NKAIN3: variants seen among roughly 807,000 people sequenced by gnomAD.
NKAIN3 encodes sodium/potassium transporting ATPase interacting 3, also known as sodium/potassium-transporting ATPase subunit beta-1-interacting protein 3.
A neutral mutation model predicts 30.2 loss-of-function variants in NKAIN3; 25 were observed. The observed-to-expected ratio is 0.83, with a 90% CI of 0.60 to 1.16. NKAIN3 has a LOEUF of 1.16. NKAIN3 is among the 50% of genes most tolerant of loss of function. The probability of loss-of-function intolerance (pLI) is 0.00; values close to 1 mark genes in which losing one functional copy is unlikely to be tolerated. For missense variants in NKAIN3, 225 were observed against 254.1 expected (o/e 0.89, Z 0.78); for synonymous variants, 91 against 89.6 (o/e 1.02, Z -0.09).
intron 3 of NKAIN3, among the ~76,000 whole-genome samples, chr8:62,700,845 T>C (rs1042712001): frequency 1.3e-5 from 2 of 152,216 alleles, no homozygotes; most frequent in Non-Finnish European, 2.9e-5. Flanking sequence ...TCAGACCATA[T>C]TTTCTAAGCT....
intron 1 of NKAIN3, among the ~76,000 whole-genome samples, chr8:62,341,863 A>C (rs913820411): frequency 1.3e-5 from 2 of 152,006 alleles, no homozygotes; most frequent in Non-Finnish European, 2.9e-5. Context: ...AGGCTAAGGA[A>C]ATTTTCTCCC....
chr8:62,528,334 T>TATATATA, intron 1 of NKAIN3, among the ~76,000 whole-genome samples: 1 of 27,842 alleles, frequency 3.6e-5, no homozygotes, highest in Non-Finnish European at 7.9e-5. Context: ...AATATATATA[T>TATATATA]TATATAATAT....
intron 1 of NKAIN3, among the ~76,000 whole-genome samples, chr8:62,476,631 A>T (rs965140353): frequency 2.6e-5 from 4 of 151,502 alleles, no homozygotes; most frequent in Admixed American, 2.6e-4. Context: ...TAATTTTTGT[A>T]TTTTTAATAG....
intron 4 of NKAIN3, among the ~76,000 whole-genome samples, chr8:62,829,587 C>T (rs980612405): frequency 6.6e-6 from 1 of 151,722 alleles, no homozygotes; most frequent in Non-Finnish European, 1.5e-5. Flanking sequence ...GGTATATTGC[C>T]GAAAATAGAT....
At chr8:62,861,968 TTATAAAA>T (rs2130788747) in intron 4 of NKAIN3, among the ~76,000 whole-genome samples, 1 of 152,360 alleles carries the variant, frequency 6.6e-6, no homozygotes, top group South Asian at 2.1e-4. Context: ...TCATGAAAAG[TTATAAAA>T]TATCTTTTTA....
chr8:62,781,998 G>A (rs1449195500), intron 4 of NKAIN3, among the ~76,000 whole-genome samples: 1 of 151,930 alleles, frequency 6.6e-6, no homozygotes, highest in Non-Finnish European at 1.5e-5. Flanking sequence ...TGAGTGAAAA[G>A]ACAACCTCTT....
chr8:62,301,385 A>G (rs896613157), intron 1 of NKAIN3, among the ~76,000 whole-genome samples: 2 of 152,092 alleles, frequency 1.3e-5, no homozygotes, highest in East Asian at 3.9e-4. Flanking sequence ...GCACTGCCTC[A>G]TGATTGAAGA....
At chr8:62,640,634 C>G (rs1812278927) in intron 3 of NKAIN3, among the ~76,000 whole-genome samples, 1 of 152,074 alleles carries the variant, frequency 6.6e-6, no homozygotes, top group Non-Finnish European at 1.5e-5. Context: ...TCTGCCCTGA[C>G]CCATATTAAA....
At chr8:62,614,113 G>T (rs753204298) in intron 3 of NKAIN3, among the ~76,000 whole-genome samples, 4 of 151,958 alleles carry the variant, frequency 2.6e-5, no homozygotes, top group Admixed American at 1.3e-4. Context: ...GAGGAGTTAG[G>T]TATTTATCAT....
rs564080739 is a variant in NKAIN3, at chr8:62,730,705, T to G, written c.274-16227T>G. On this transcript the variant is annotated intron_variant, in intron 3 of 6. Coordinates refer to ENST00000623646, the MANE Select transcript of NKAIN3 (RefSeq NM_001304533.3). ...TTCCTTTCTTTTTATATTTATTGCC[T>G]CACATGTTCAATAATGAAGACTTTT... Among the ~76,000 whole-genome samples the G allele has an allele frequency of 3.9e-5, 6 of 152,296 alleles. No individual in the cohort carries two copies. The East Asian group carries it at 1.2e-3, about 29-fold the overall frequency.
At chr8:62,956,123 T>G (rs1015276473) in intron 6 of NKAIN3, among the ~76,000 whole-genome samples, 2 of 152,208 alleles carry the variant, frequency 1.3e-5, no homozygotes, top group Non-Finnish European at 2.9e-5. Context: ...ATTTCAGCAT[T>G]TATCCAGTCT....
At chr8:62,316,427 C>G (rs978248511) in intron 1 of NKAIN3, among the ~76,000 whole-genome samples, 28 of 152,006 alleles carry the variant, frequency 1.8e-4, no homozygotes, top group African/African-American at 4.6e-4. Context: ...CTATCCCCCC[C>G]CTCCTCCCAC....
At chr8:62,870,266 ATATAGATATATATAAATATC>A (rs1820577943) in intron 4 of NKAIN3, among the ~76,000 whole-genome samples, 1 of 132,484 alleles carries the variant, frequency 7.5e-6, no homozygotes, top group Non-Finnish European at 1.6e-5. Flanking sequence ...ATATATCTAT[ATATAGATATATATAAATATC>A]TATAGATATA....
chr8:62,345,023 C>T (rs150076435), intron 1 of NKAIN3, among the ~76,000 whole-genome samples: 173 of 151,632 alleles, frequency 1.1e-3, no homozygotes, highest in African/African-American at 2.1e-3. Context: ...TTTACGTCTT[C>T]GATTAAGTTT....
intron 5 of NKAIN3, among the ~76,000 whole-genome samples, chr8:62,933,993 T>C (rs1425357195): frequency 1.3e-5 from 2 of 152,310 alleles, no homozygotes; most frequent in South Asian, 2.1e-4. Context: ...GATTAAGGAA[T>C]GATTGAGGGC....
intron 3 of NKAIN3, among the ~76,000 whole-genome samples, chr8:62,611,466 A>T (rs1811287381): frequency 6.6e-6 from 1 of 152,078 alleles, no homozygotes; most frequent in African/African-American, 2.4e-5. Context: ...CGCTCTGGAA[A>T]TCATCCTTCT....
chr8:62,824,605 C>T (rs7830008), intron 4 of NKAIN3, among the ~76,000 whole-genome samples: 1,929 of 152,066 alleles, frequency 0.013, 35 homozygotes, highest in African/African-American at 0.042. Flanking sequence ...TGTTTGACTT[C>T]CTGGGGAAAT....
chr8:62,983,017 C>G lies in NKAIN3; in HGVS notation c.*17610C>G, dbSNP rs902676426. ...TCCGGTGTGTAAAACTGACAATACC[C>G]ACAAGATACTACTGACTTGGAAGTT... On this transcript the variant is annotated 3_prime_UTR_variant, in exon 7 of 7. Coordinates refer to ENST00000623646, the MANE Select transcript of NKAIN3 (RefSeq NM_001304533.3). 1.3e-5 allele frequency: 2 copies of G among 152,154 alleles called. No individual in the cohort carries two copies. The highest frequency in any genetic ancestry group is 6.5e-5 in the Admixed American group (1 of 15,270). 9.4% of individuals were successfully genotyped at this position (152,154 alleles called of 1,614,324 possible). A position where few individuals can be genotyped will look rare whatever the true frequency, so the allele number is the denominator to read the frequency against.
chr8:62,957,310 A>G (rs1194668637), intron 6 of NKAIN3, among the ~76,000 whole-genome samples: 1 of 151,982 alleles, frequency 6.6e-6, no homozygotes, highest in Non-Finnish European at 1.5e-5. Context: ...ATTTTTTTGT[A>G]TTTTTAGTAG....
Sources: allele counts gnomAD v4.1 joint callset (sites outside exome capture counted in the v4.1 genomes callset), GRCh38; gene constraint gnomAD v4.1.1; transcripts MANE v1.5; gene names NCBI Gene and HGNC (gene_info 2026-07-23, HGNC 2026-07-21).